Variants in B4GALT6 observed in about 807,000 individuals in gnomAD.
B4GALT6 encodes UDP-Gal:beta-GlcNAc beta-1,4-galactosyltransferase 6.
A neutral mutation model predicts 46.3 loss-of-function variants in B4GALT6; 14 were observed. The ratio of observed to expected loss-of-function variants is 0.30; its 90% confidence interval spans 0.20 to 0.47. The LOEUF (loss-of-function observed/expected upper bound fraction) is 0.47, where lower values mean the gene tolerates loss of function less well. Among genes scored for constraint, B4GALT6 ranks in the 20% least tolerant of loss-of-function variants. The probability of loss-of-function intolerance (pLI) is 0.99; values close to 1 mark genes in which losing one functional copy is unlikely to be tolerated. For synonymous variants in B4GALT6, 168 were observed against 162.0 expected (o/e 1.04, Z -0.28); for missense variants, 386 against 480.1 (o/e 0.80, Z 1.83).
At chr18:31,706,303 T>C in the B4GALT6 span, among the ~76,000 whole-genome samples, 2 of 152,074 alleles carry the variant, frequency 1.3e-5, no homozygotes, top group African/African-American at 4.8e-5. Context: ...TATAGATGTA[T>C]TTATATTTAT....
rs556206711 is a variant in B4GALT6, at chr18:31,665,511, G to A, written c.232+745C>T. Among the ~76,000 whole-genome samples, 19 of 152,226 alleles carry A rather than the reference G, an allele frequency of 1.2e-4. No homozygotes were observed. The South Asian group carries it at 2.9e-3, about 23-fold the overall frequency. On this transcript the variant is annotated intron_variant, in intron 2 of 8. Transcript: ENST00000306851. The stretch of plus-strand genomic sequence containing the variant: ...TCCCAGCACTTTCGGAGGCTGAAGC[G>A]GGCGTATCACGAGGTCAAGAGATTG...
intron 5 of B4GALT6, among the ~76,000 whole-genome samples, chr18:31,638,443 C>T (rs375057448): frequency 7.2e-5 from 11 of 152,188 alleles, no homozygotes; most frequent in African/African-American, 2.2e-4. Flanking sequence ...AGGAGAATGG[C>T]GTGAACCTGG....
chr18:31,668,874 G>A (rs1296432938), intron 1 of B4GALT6, among the ~76,000 whole-genome samples: 1 of 151,734 alleles, frequency 6.6e-6, no homozygotes, highest in Non-Finnish European at 1.5e-5. Context: ...AGCCAGGCGT[G>A]GTGGCGCACG....
At chr18:31,699,215 T>G in the B4GALT6 span, among the ~76,000 whole-genome samples, 3 of 151,448 alleles carry the variant, frequency 2.0e-5, no homozygotes, top group South Asian at 2.1e-4. Flanking sequence ...ATGTAAAAAT[T>G]TTATACCCAC....
At chr18:31,678,334 CCTCT>C (rs763624096) in intron 1 of B4GALT6, among the ~76,000 whole-genome samples, 1 of 150,794 alleles carries the variant, frequency 6.6e-6, no homozygotes, top group East Asian at 1.9e-4. Context: ...CTTTTTTTTT[CCTCT>C]CTCTCTCTTT....
At chr18:31,699,668 C>T in the B4GALT6 span, among the ~76,000 whole-genome samples, 1 of 143,828 alleles carries the variant, frequency 7.0e-6, no homozygotes, top group African/African-American at 2.6e-5. Context: ...ACCTGCTATA[C>T]GAGAACTGTG....
chr18:31,663,815 A>G (rs1011653838), intron 2 of B4GALT6, among the ~76,000 whole-genome samples: 7 of 152,176 alleles, frequency 4.6e-5, no homozygotes, highest in African/African-American at 1.4e-4. Flanking sequence ...ATTAAAGGAG[A>G]CTGTTTTTCT....
the B4GALT6 span, among the ~76,000 whole-genome samples, chr18:31,717,288 A>T: frequency 1.3e-5 from 2 of 152,172 alleles, no homozygotes; most frequent in African/African-American, 4.8e-5. Flanking sequence ...AAACAAAAGA[A>T]TACTATTTAG....
chr18:31,658,786 C>T (rs1222160688), intron 2 of B4GALT6, among the ~76,000 whole-genome samples: 1 of 152,148 alleles, frequency 6.6e-6, no homozygotes, highest in Non-Finnish European at 1.5e-5. Context: ...GCCATCTATG[C>T]CTACTTCATA....
At chr18:31,689,820 C>A (rs2030050717), upstream of B4GALT6, among the ~76,000 whole-genome samples, 1 of 152,134 alleles carries the variant, frequency 6.6e-6, no homozygotes, top group African/African-American at 2.4e-5. Context: ...TGAGGGAAAT[C>A]AGTCTTGGCA....
At chr18:31,698,908 T>A in the B4GALT6 span, among the ~76,000 whole-genome samples, 1 of 151,672 alleles carries the variant, frequency 6.6e-6, no homozygotes, top group Non-Finnish European at 1.5e-5. Flanking sequence ...CTGTCTCTAT[T>A]AAAATACAAA....
chr18:31,716,636 T>C, the B4GALT6 span, among the ~76,000 whole-genome samples: 38 of 152,270 alleles, frequency 2.5e-4, no homozygotes, highest in African/African-American at 7.9e-4. Flanking sequence ...CTAACTAGCC[T>C]GCCCCACTTG....
chr18:31,651,927 C>T (rs1468504124), intron 3 of B4GALT6, among the ~76,000 whole-genome samples: 1 of 152,152 alleles, frequency 6.6e-6, no homozygotes, highest in Non-Finnish European at 1.5e-5. Context: ...CCCGCCACCA[C>T]GCCCAGCTAA....
intron 1 of B4GALT6, among the ~76,000 whole-genome samples, chr18:31,683,947 T>TA (rs2074510913): frequency 6.6e-6 from 1 of 152,140 alleles, no homozygotes; most frequent in Non-Finnish European, 1.5e-5. Context: ...AGTGTTTGAA[T>TA]AAAACTACGA....
intron 1 of B4GALT6, among the ~76,000 whole-genome samples, chr18:31,676,580 C>G (rs1322306697): frequency 6.6e-6 from 1 of 152,176 alleles, no homozygotes; most frequent in African/African-American, 2.4e-5. Flanking sequence ...GTCCATTTCT[C>G]TTCTGAAGGA....
At chr18:31,629,355 T>C (rs1332814795) in intron 6 of B4GALT6, among the ~76,000 whole-genome samples, 2 of 151,834 alleles carry the variant, frequency 1.3e-5, no homozygotes, top group Non-Finnish European at 2.9e-5. Flanking sequence ...AAATTGATAT[T>C]TTCAAGTTAA....
In B4GALT6 at chr18:31,684,411, G is replaced by A; in HGVS notation, c.16C>T (p.Arg6Trp). 6.2e-7 allele frequency: 1 copy of A among 1,613,700 alleles called. No homozygotes were observed. Among genetic ancestry groups the A allele is most frequent in the Non-Finnish European group, 8.5e-7 (1 of 1,179,788 alleles). ...GAGCGATTGGAAACCCGCATCATCC[G>A]CCTGAGCACAGACATCTTCCTCTTC... is the stretch of plus-strand genomic sequence containing the variant. MSVLRRMMRVSNRSLL... is the reference protein window; with the variant it reads MSVLRWMMRVSNRSLL... The change falls in exon 1 of 9, where the codon CGG (arginine) becomes TGG (tryptophan). Residue 6 changes from arginine (R) to tryptophan (W), a missense_variant. Coordinates refer to ENST00000306851, the MANE Select transcript of B4GALT6 (RefSeq NM_004775.5).
Position 31,625,569 on chromosome 18 carries a change from T to G in B4GALT6, c.*45A>C, listed in dbSNP as rs765552270. 2 of 1,606,676 alleles carry G rather than the reference T, an allele frequency of 1.2e-6. No homozygotes were observed. The highest frequency in any genetic ancestry group is 2.2e-5 in the South Asian group (2 of 89,934). ...CTCCACTAAGAGCGCGCTCCAAGTTTATGATCCAGCATTGTGGTCTACCTT... is the reference window on the plus strand; with the variant it reads ...CTCCACTAAGAGCGCGCTCCAAGTTGATGATCCAGCATTGTGGTCTACCTT... On this transcript the variant is annotated 3_prime_UTR_variant, in exon 9 of 9. Transcript: ENST00000306851.
the B4GALT6 span, among the ~76,000 whole-genome samples, chr18:31,709,457 ATG>A: frequency 6.7e-6 from 1 of 148,494 alleles, no homozygotes; most frequent in African/African-American, 2.5e-5. Context: ...ATATATATAT[ATG>A]GTATATTCTC....
Sources: gnomAD v4.1 joint callset for allele counts (sites outside exome capture counted in the v4.1 genomes callset) on GRCh38, gnomAD v4.1.1 for gene constraint, MANE v1.5 for transcripts, NCBI Gene and HGNC (gene_info 2026-07-23, HGNC 2026-07-21) for gene names.